GOSR1: variants seen among roughly 807,000 people sequenced by gnomAD.
GOSR1 encodes golgi SNAP receptor complex member 1, also known as 28 kDa Golgi SNARE protein.
GOSR1 carries 21 observed loss-of-function variants against 35.5 expected under a neutral mutation model. That is an observed-to-expected ratio of 0.59 (90% CI 0.42 to 0.85). The LOEUF is 0.85. Among genes scored for constraint, GOSR1 ranks in the 40% least tolerant of loss-of-function variants. GOSR1 has a pLI of 0.00. For synonymous variants in GOSR1, 94 were observed against 106.6 expected (o/e 0.88, Z 0.73); for missense variants, 285 against 309.6 (o/e 0.92, Z 0.60).
intron 2 of GOSR1, among the ~76,000 whole-genome samples, chr17:30,483,322 T>C (rs1199086821): frequency 6.6e-6 from 1 of 152,202 alleles, no homozygotes; most frequent in African/African-American, 2.4e-5. Context: ...GTAGTAGAGA[T>C]TGCTCTCGTG....
intron 8 of GOSR1, chr17:30,520,378 T>C (rs1967983802): frequency 6.2e-6 from 1 of 162,404 alleles, no homozygotes; most frequent in South Asian, 1.9e-4. Flanking sequence ...ATGCCTTTGT[T>C]GTTTTTCCCA....
intron 6 of GOSR1, among the ~76,000 whole-genome samples, chr17:30,503,724 T>C (rs1226911354): frequency 6.6e-6 from 1 of 152,200 alleles, no homozygotes; most frequent in Non-Finnish European, 1.5e-5. Flanking sequence ...CCATATAAGC[T>C]AAGGATGACA....
At chr17:30,518,960 C>A (rs1295335258) in intron 7 of GOSR1, among the ~76,000 whole-genome samples, 5 of 151,656 alleles carry the variant, frequency 3.3e-5, no homozygotes, top group Non-Finnish European at 5.9e-5. Context: ...CAACCCCCCC[C>A]AAAAAAAGGA....
At position 30,524,909 on chromosome 17, in the gene GOSR1, G is replaced by A. The variant is rs1329078957; in HGVS notation, c.*2531G>A. The stretch of plus-strand genomic sequence containing the variant: ...ACATCCAGAGAATGGTTTCACTGTT[G>A]AGGGTGCATGTGGCAGAATCTGTCT... On this transcript the variant is annotated 3_prime_UTR_variant, in exon 9 of 9. Coordinates refer to ENST00000451249, the MANE Select transcript of GOSR1 (RefSeq NM_001007025.2). The A allele has an allele frequency of 6.6e-6, 1 of 152,196 alleles. No individual in the cohort carries two copies. The highest frequency in any genetic ancestry group is 2.1e-4 in the South Asian group (1 of 4,832). 9.4% of individuals were successfully genotyped at this position (152,196 alleles called of 1,614,324 possible). A position where few individuals can be genotyped will look rare whatever the true frequency, so the allele number is the denominator to read the frequency against.
At chr17:30,496,576 TG>T (rs1190038360) in intron 6 of GOSR1, among the ~76,000 whole-genome samples, 3 of 152,228 alleles carry the variant, frequency 2.0e-5, no homozygotes, top group African/African-American at 7.2e-5. Flanking sequence ...AGAAATTAGT[TG>T]GAGTTAGTTC....
chr17:30,483,673 A>G (rs746102145), intron 2 of GOSR1, among the ~76,000 whole-genome samples: 28 of 152,232 alleles, frequency 1.8e-4, no homozygotes, highest in Non-Finnish European at 2.9e-4. Context: ...ATCAGATGCT[A>G]ATACATACCT....
At chr17:30,485,137 G>C in intron 4 of GOSR1, 1 of 320,846 alleles carries the variant, frequency 3.1e-6, no homozygotes, top group South Asian at 2.9e-5. Context: ...TAATATGGAG[G>C]GGGAATTATT....
At chr17:30,478,025 G>A (rs114288371) in intron 1 of GOSR1, 1 of 667,468 alleles carries the variant, frequency 1.5e-6, no homozygotes. Context: ...GTGTTTGAAG[G>A]AGGAGAAAAT....
chr17:30,508,240 CTTTA>C (rs573901481), intron 6 of GOSR1, among the ~76,000 whole-genome samples: 63 of 124,898 alleles, frequency 5.0e-4, no homozygotes, highest in African/African-American at 1.4e-3. Flanking sequence ...CTCTTTTTTA[CTTTA>C]TTTAGTAGTT....
At chr17:30,494,490 CTTTCTT>C (rs1966918702) in intron 6 of GOSR1, among the ~76,000 whole-genome samples, 1 of 152,074 alleles carries the variant, frequency 6.6e-6, no homozygotes, top group Non-Finnish European at 1.5e-5. Context: ...GATAATTTCT[CTTTCTT>C]TATGTAATTG....
intron 5 of GOSR1, among the ~76,000 whole-genome samples, chr17:30,490,828 A>G (rs1335604083): frequency 1.3e-5 from 2 of 152,122 alleles, no homozygotes; most frequent in Middle Eastern, 3.4e-3. Context: ...CTAGCATTTC[A>G]TAGCATTTTT....
chr17:30,519,337 G>A (rs933664798), intron 7 of GOSR1, among the ~76,000 whole-genome samples: 3 of 152,242 alleles, frequency 2.0e-5, no homozygotes, highest in East Asian at 1.9e-4. Context: ...GATTACAGAC[G>A]TGAGCCACCA....
rs1401846018 is a variant in GOSR1, at chr17:30,524,738, A to G, written c.*2360A>G. ...TCTATTCAAGAAGCCACATATAAAA[A>G]GGCATTGAGGGCTCACTGTCCAGAG... is the stretch of plus-strand genomic sequence containing the variant. On this transcript the variant is annotated 3_prime_UTR_variant, in exon 9 of 9. Transcript: ENST00000451249. 6.6e-6 allele frequency: 1 copy of G among 152,230 alleles called. No homozygotes were observed. Among genetic ancestry groups the G allele is most frequent in the Non-Finnish European group, 1.5e-5 (1 of 68,044 alleles). The allele number at this position is 152,230 out of a possible 1,614,324, so 9.4% of individuals were successfully genotyped here. A position where few individuals can be genotyped will look rare whatever the true frequency, so the allele number is the denominator to read the frequency against.
intron 7 of GOSR1, among the ~76,000 whole-genome samples, chr17:30,515,040 C>T (rs768945737): frequency 9.9e-5 from 15 of 152,124 alleles, no homozygotes; most frequent in Non-Finnish European, 1.9e-4. Flanking sequence ...TTTCTGTTTG[C>T]TGGGTGGTTT....
chr17:30,523,768 A>G lies in GOSR1; in HGVS notation c.*1390A>G, dbSNP rs1485078901. Reference sequence around the variant, plus strand: ...ATGATGACAATGGCGGTTTTGTGGAATAGAAAAGGCGGAAAGGTGGGGAAA... The same window carrying G: ...ATGATGACAATGGCGGTTTTGTGGAGTAGAAAAGGCGGAAAGGTGGGGAAA... On this transcript the variant is annotated 3_prime_UTR_variant, in exon 9 of 9. Coordinates refer to ENST00000451249, the MANE Select transcript of GOSR1 (RefSeq NM_001007025.2). 1.9e-5 allele frequency: 4 copies of G among 206,464 alleles called. No homozygotes were observed. The highest frequency in any genetic ancestry group is 3.8e-5 in the Non-Finnish European group (4 of 104,684). The allele number at this position is 206,464 out of a possible 1,614,324, so 12.8% of individuals were successfully genotyped here.
intron 4 of GOSR1, 106 bp from the exon 5 acceptor site, chr17:30,490,020 G>A: frequency 3.3e-6 from 2 of 606,266 alleles, no homozygotes; most frequent in South Asian, 4.1e-5. Context: ...TTCTTAAATA[G>A]CAGTTTTCTT....
chr17:30,477,619 G>A, intron 1 of GOSR1, 155 bp downstream of exon 1: 5 of 1,394,236 alleles, frequency 3.6e-6, no homozygotes, highest in Non-Finnish European at 3.8e-6. Context: ...GGGGCCTTGG[G>A]GATACCGAAC....
chr17:30,493,064 G>T (rs527288833), intron 6 of GOSR1, among the ~76,000 whole-genome samples: 6 of 151,252 alleles, frequency 4.0e-5, no homozygotes, highest in Admixed American at 3.3e-4. Flanking sequence ...CTCAATCTCA[G>T]CTCACTGCAG....
At chr17:30,507,490 A>G (rs918795244) in intron 6 of GOSR1, among the ~76,000 whole-genome samples, 2 of 152,162 alleles carry the variant, frequency 1.3e-5, no homozygotes, top group African/African-American at 4.8e-5. Context: ...TGGAAAGCCA[A>G]GAGGAGCGGA....
Sources: gnomAD v4.1 joint callset for allele counts (sites outside exome capture counted in the v4.1 genomes callset) on GRCh38, gnomAD v4.1.1 for gene constraint, MANE v1.5 for transcripts, NCBI Gene and HGNC (gene_info 2026-07-23, HGNC 2026-07-21) for gene names.